Variants in MYH13 observed in about 807,000 individuals in gnomAD.
The protein encoded by MYH13 is myosin-13.
In MYH13, 177 loss-of-function variants were observed where a neutral mutation model predicts 232.1. That is an observed-to-expected ratio of 0.76 (90% CI 0.67 to 0.86). The LOEUF (loss-of-function observed/expected upper bound fraction) is 0.86, where lower values mean the gene tolerates loss of function less well. MYH13 is among the 40% of genes least tolerant of loss of function. The probability of loss-of-function intolerance (pLI) is 0.00; values close to 1 mark genes in which losing one functional copy is unlikely to be tolerated. For missense variants in MYH13, 2,246 were observed against 2,405.9 expected (o/e 0.93, Z 1.39); for synonymous variants, 884 against 923.5 (o/e 0.96, Z 0.78).
chr17:10,344,489 A>G (rs2071645142), intron 15 of MYH13, among the ~76,000 whole-genome samples: 1 of 152,074 alleles, frequency 6.6e-6, no homozygotes. Context: ...TTCCAACATG[A>G]GCAGTGCTCA....
rs1332050427 is a variant in MYH13 at position 10,342,737 on chromosome 17, G to T, written c.1894+1063C>A. Among the ~76,000 whole-genome samples the T allele has an allele frequency of 2.0e-5, 3 of 152,250 alleles. No homozygotes were observed. The East Asian group carries it at 5.8e-4, about 29-fold the overall frequency. On this transcript the variant is annotated intron_variant, in intron 16 of 40. Transcript: ENST00000252172. ...TAATTCCATTCACATGAAATGCCCA[G>T]ATAGGCAAATCTACAGGGACAGAAA...
At chr17:10,361,869 C>T (rs1391176762) in intron 5 of MYH13, among the ~76,000 whole-genome samples, 1 of 152,200 alleles carries the variant, frequency 6.6e-6, no homozygotes, top group Non-Finnish European at 1.5e-5. Flanking sequence ...AAAGGTAGGG[C>T]ATCTCCTTGT....
At chr17:10,326,981 G>GTTTTTTTTT (rs61543278) in intron 22 of MYH13, among the ~76,000 whole-genome samples, 3,199 of 55,830 alleles carry the variant, frequency 0.057, 1,469 homozygotes, top group Non-Finnish European at 0.07. Context: ...ATGCCTACTA[G>GTTTTTTTTT]TTTTTTTTTT....
chr17:10,368,609 G>A (rs1041402105), intron 2 of MYH13, among the ~76,000 whole-genome samples: 1 of 152,186 alleles, frequency 6.6e-6, no homozygotes, highest in Non-Finnish European at 1.5e-5. Flanking sequence ...GCCTTGATTT[G>A]TAATAAGGTA....
intron 24 of MYH13, among the ~76,000 whole-genome samples, chr17:10,321,319 G>A (rs567410382): frequency 5.9e-5 from 9 of 152,174 alleles, no homozygotes; most frequent in South Asian, 4.2e-4. Flanking sequence ...TATTTACATC[G>A]CCATTTCACA....
intron 16 of MYH13, among the ~76,000 whole-genome samples, chr17:10,343,088 CAAAAAA>C (rs71139039): frequency 0.023 from 2,920 of 125,008 alleles, 90 homozygotes; most frequent in African/African-American, 0.084. Context: ...GACTCTGTCT[CAAAAAA>C]AAAAAAAAAA....
intron 11 of MYH13, among the ~76,000 whole-genome samples, chr17:10,351,171 A>C (rs536318492): frequency 7.0e-6 from 1 of 142,404 alleles, no homozygotes; most frequent in African/African-American, 2.6e-5. Context: ...GAGTGAGCCA[A>C]GATTGTACCA....
chr17:10,323,787 AAAGAAGAAGAAGAAG>A (rs571033999), intron 23 of MYH13, among the ~76,000 whole-genome samples: 199 of 66,738 alleles, frequency 3.0e-3, no homozygotes, highest in African/African-American at 9.6e-3. Flanking sequence ...AAAAAAAAAA[AAAGAAGAAGAAGAAG>A]AAGAAGAAGA....
chr17:10,354,609 C>CTTAGTGATGGGAGA (rs2071734051), intron 11 of MYH13, 71 bp downstream of exon 11: 2 of 1,384,804 alleles, frequency 1.4e-6, no homozygotes. Flanking sequence ...CCCATTAGCT[C>CTTAGTGATGGGAGA]ACTAACGTGT....
At position 10,332,915 on chromosome 17, in the gene MYH13, C is replaced by T. The variant is rs558996509; in HGVS notation, c.2174+159G>A. ...TTGGAACCACTTGGGCTGGCCCACT[C>T]ACTGTGGGCATGGGATCAGTTCCTC... On this transcript the variant is annotated intron_variant, in intron 19 of 40. Transcript: ENST00000252172. 2.6e-4 allele frequency among the ~76,000 whole-genome samples: 39 copies of T among 152,294 alleles called. 1 individual carries two copies. Among genetic ancestry groups the T allele is most frequent in the Admixed American group, 2.4e-3 (37 of 15,302 alleles).
chr17:10,362,581 T>C, intron 3 of MYH13, 78 bp from the exon 4 acceptor site: 1 of 1,568,400 alleles, frequency 6.4e-7, no homozygotes, highest in Non-Finnish European at 8.8e-7. Flanking sequence ...GTGGTGGAAG[T>C]AGTGAGATAT....
At chr17:10,348,587 G>GCA (rs1212548261) in intron 12 of MYH13, among the ~76,000 whole-genome samples, 1 of 152,130 alleles carries the variant, frequency 6.6e-6, no homozygotes, top group Non-Finnish European at 1.5e-5. Flanking sequence ...CCTAAGCACT[G>GCA]CACACACACA....
rs1225873954 is a variant in MYH13 at position 10,316,031 on chromosome 17, A to G, written c.3739-6T>C. On this transcript the variant is annotated splice_polypyrimidine_tract_variant and splice_region_variant and intron_variant, in intron 27 of 40. Transcript: ENST00000252172. ...CACGTTCTTTCTATGTTACTCTTTAACAAACAGAAAGTCAACACGAATGGG... is the reference window on the plus strand; with the variant it reads ...CACGTTCTTTCTATGTTACTCTTTAGCAAACAGAAAGTCAACACGAATGGG... 3.1e-6 allele frequency: 5 copies of G among 1,613,834 alleles called. No homozygotes were observed. The highest frequency in any genetic ancestry group is 4.2e-6 in the Non-Finnish European group (5 of 1,179,872).
chr17:10,320,256 T>TA lies in MYH13; in HGVS notation c.3258-14dup, dbSNP rs3214259. The stretch of plus-strand genomic sequence containing the variant: ...TTCAAACTCCTTCCTGCAAATAGAT[T>TA]AAAAAAAAATAAAGAACATGAAATA... On this transcript the variant is annotated splice_polypyrimidine_tract_variant and intron_variant, in intron 25 of 40. Coordinates refer to ENST00000252172, the MANE Select transcript of MYH13 (RefSeq NM_003802.3). The TA allele has an allele frequency of 3.5e-5, 55 of 1,584,254 alleles. No homozygotes were observed. The highest frequency in any genetic ancestry group is 7.2e-5 in the Admixed American group (4 of 55,718).
chr17:10,333,927 G>C (rs1244265208), intron 18 of MYH13, among the ~76,000 whole-genome samples: 2 of 151,828 alleles, frequency 1.3e-5, no homozygotes, highest in Non-Finnish European at 2.9e-5. Context: ...AAAAAGAAGA[G>C]GCCGTGGGAG....
At chr17:10,344,339 T>C (rs1227100701) in intron 15 of MYH13, among the ~76,000 whole-genome samples, 1 of 152,172 alleles carries the variant, frequency 6.6e-6, no homozygotes, top group African/African-American at 2.4e-5. Context: ...GATAAAATTA[T>C]GTGTGTATAA....
At position 10,303,241 on chromosome 17, in the gene MYH13, CT is replaced by C; in HGVS notation, c.5621del (p.Lys1874SerfsTer6). The C allele has an allele frequency of 1.2e-6, 2 of 1,613,698 alleles. No homozygotes were observed. Among genetic ancestry groups the C allele is most frequent in the South Asian group, 1.1e-5 (1 of 91,024 alleles). Reference sequence around the variant, plus strand: ...TGTAAGACTTCACTTTGGCCTGCAGCTTGTCCACCAGGTCCTGGAGCCTAAG... The same window carrying C: ...TGTAAGACTTCACTTTGGCCTGCAGCTGTCCACCAGGTCCTGGAGCCTAAG... ...NILRLQDLVD[K>X]LQAKVKSYKR... On this transcript the variant is annotated frameshift_variant, in exon 39 of 41. Coordinates refer to ENST00000252172, the MANE Select transcript of MYH13 (RefSeq NM_003802.3). LOFTEE classifies it high-confidence loss of function.
rs1208177902 is a variant in MYH13, at chr17:10,304,189, C to T, written c.5467-691G>A. 6.6e-6 allele frequency among the ~76,000 whole-genome samples: 1 copy of T among 152,172 alleles called. No homozygotes were observed. The highest frequency in any genetic ancestry group is 6.5e-5 in the Admixed American group (1 of 15,286). On this transcript the variant is annotated intron_variant, in intron 37 of 40. Transcript: ENST00000252172. This position sits in a 1 kb window ranked among gnomAD's most constrained non-coding sequence, Gnocchi z 5.3. ...GTAAATGATGGGTTGATGGGTGCAG[C>T]AAACCAACATAGCACGTTTATACCT... is the stretch of plus-strand genomic sequence containing the variant.
At position 10,350,711 on chromosome 17, in the gene MYH13, G is replaced by C; in HGVS notation, c.1006-17C>G. ...AATGGCATTCTGGAAAGAAAAAAAG[G>C]ACAACTGTCATAGCAGGAATCAGGG... On this transcript the variant is annotated splice_polypyrimidine_tract_variant and intron_variant, in intron 11 of 40. Coordinates refer to ENST00000252172, the MANE Select transcript of MYH13 (RefSeq NM_003802.3). The C allele has an allele frequency of 6.2e-7, 1 of 1,613,578 alleles. No individual in the cohort carries two copies. The highest frequency in any genetic ancestry group is 8.5e-7 in the Non-Finnish European group (1 of 1,179,748).
Sources: allele counts gnomAD v4.1 joint callset (sites outside exome capture counted in the v4.1 genomes callset), GRCh38; gene constraint gnomAD v4.1.1; non-coding constraint Gnocchi (gnomAD v3.1); transcripts MANE v1.5; gene names NCBI Gene and HGNC (gene_info 2026-07-23, HGNC 2026-07-21).